The following MTF1 variants were observed in gnomAD, a reference collection of about 807,000 sequenced individuals.
MTF1 encodes MRE-binding transcription factor.
Under a neutral mutation model 70.4 loss-of-function variants are expected in MTF1, and 22 were observed. The ratio of observed to expected loss-of-function variants is 0.31; its 90% confidence interval spans 0.22 to 0.45. The LOEUF is 0.45. MTF1 is among the 20% of genes least tolerant of loss of function. The probability of loss-of-function intolerance (pLI) is 1.00; values close to 1 mark genes in which losing one functional copy is unlikely to be tolerated. For synonymous variants in MTF1, 333 were observed against 352.8 expected, an observed-to-expected ratio of 0.94 and a Z score of 0.63; for missense variants, 649 against 922.0, an observed-to-expected ratio of 0.70 and a Z score of 3.83.
intron 4 of MTF1, among the ~76,000 whole-genome samples, chr1:37,836,896 T>C (rs1280425734): frequency 6.7e-6 from 1 of 149,466 alleles, no homozygotes; most frequent in Non-Finnish European, 1.5e-5. Flanking sequence ...AATAAATGCA[T>C]GTGACTGGAT....
chr1:37,854,374 G>A (rs1409565138), intron 2 of MTF1, among the ~76,000 whole-genome samples: 1 of 152,178 alleles, frequency 6.6e-6, no homozygotes, highest in Non-Finnish European at 1.5e-5. Context: ...TCTGACAGCT[G>A]CATACATGAG....
At chr1:37,849,674 G>A (rs1278079501) in intron 2 of MTF1, among the ~76,000 whole-genome samples, 1 of 152,088 alleles carries the variant, frequency 6.6e-6, no homozygotes, top group African/African-American at 2.4e-5. Context: ...AGACCGTCCT[G>A]GCAGGTTCTA....
intron 2 of MTF1, among the ~76,000 whole-genome samples, chr1:37,856,698 C>G (rs1461091689): frequency 6.6e-6 from 1 of 151,652 alleles, no homozygotes; most frequent in Non-Finnish European, 1.5e-5. Flanking sequence ...CAGGGTTTCA[C>G]CATGTTGGCC....
chr1:37,837,373 A>G (rs1245223663), intron 4 of MTF1, among the ~76,000 whole-genome samples: 2 of 152,192 alleles, frequency 1.3e-5, no homozygotes, highest in Non-Finnish European at 2.9e-5. Context: ...ATTGGCATCT[A>G]AGAGTTGACT....
At chr1:37,856,170 C>CTTTTTTTTTTTTT (rs869062644) in intron 2 of MTF1, among the ~76,000 whole-genome samples, 1 of 74,156 alleles carries the variant, frequency 1.3e-5, no homozygotes, top group Non-Finnish European at 2.4e-5. Flanking sequence ...CCTGAATTTC[C>CTTTTTTTTTTTTT]TTTTTTTTTT....
chr1:37,838,802 T>A, intron 3 of MTF1, 46 bp from the exon 4 acceptor site: 1 of 1,148,990 alleles, frequency 8.7e-7, no homozygotes, highest in Non-Finnish European at 1.2e-6. Context: ...AAATTCTTTT[T>A]TTTTTTTTTT....
intron 4 of MTF1, among the ~76,000 whole-genome samples, chr1:37,836,414 G>A (rs1341325535): frequency 1.3e-5 from 2 of 152,084 alleles, no homozygotes; most frequent in Non-Finnish European, 2.9e-5. Context: ...TCTCAAATAT[G>A]TACATGGCTT....
chr1:37,829,702 G>A (rs1289851981), intron 7 of MTF1, among the ~76,000 whole-genome samples: 2 of 151,718 alleles, frequency 1.3e-5, no homozygotes, highest in African/African-American at 2.4e-5. Context: ...GGAGAATGGC[G>A]TGAACCCAGG....
rs140456959 is a variant in MTF1, at chr1:37,826,333, C to T, written c.1069-2521G>A. Among the ~76,000 whole-genome samples the T allele has an allele frequency of 2.5e-4, 38 of 152,200 alleles. No individual in the cohort carries two copies. In the East Asian group the frequency reaches 3.7e-3, roughly 15 times the overall value. On this transcript the variant is annotated intron_variant, in intron 7 of 10. Transcript: ENST00000373036. ...ACGGGGTCTAGCTCTGTTATCCAGG[C>T]GGGAGTGCAGAGGCGCAGTCAAGTC...
chr1:37,829,718 G>C (rs1268981628), intron 7 of MTF1, among the ~76,000 whole-genome samples: 3 of 151,812 alleles, frequency 2.0e-5, no homozygotes, highest in African/African-American at 7.3e-5. Context: ...CCAGGAGGTG[G>C]AGCTTGTAGT....
intron 2 of MTF1, among the ~76,000 whole-genome samples, chr1:37,852,990 G>A (rs1018750302): frequency 7.2e-5 from 11 of 152,250 alleles, no homozygotes; most frequent in African/African-American, 1.4e-4. Context: ...CCAATAACAC[G>A]TACGAAGTTC....
rs955674592 is a variant in MTF1, at chr1:37,822,841, C to T, written c.1172-125G>A. ...ACTGAGCTGATCTCTTCATAGCTAGCAGGCCAGCTTTCTGTCATTTTCATT... is the reference window on the plus strand; with the variant it reads ...ACTGAGCTGATCTCTTCATAGCTAGTAGGCCAGCTTTCTGTCATTTTCATT... On this transcript the variant is annotated intron_variant, in intron 8 of 10. Coordinates refer to ENST00000373036, the MANE Select transcript of MTF1 (RefSeq NM_005955.3). 4.6e-6 allele frequency: 3 copies of T among 648,142 alleles called. No individual in the cohort carries two copies. In the African/African-American group the frequency reaches 5.5e-5, roughly 12 times the overall value. 40.1% of individuals were successfully genotyped at this position (648,142 alleles called of 1,614,324 possible). A position where few individuals can be genotyped will look rare whatever the true frequency, so the allele number is the denominator to read the frequency against.
intron 8 of MTF1, among the ~76,000 whole-genome samples, chr1:37,823,116 CACAG>C (rs1640944185): frequency 6.6e-6 from 1 of 152,104 alleles, no homozygotes; most frequent in Admixed American, 6.5e-5. Context: ...CCTGTCCATT[CACAG>C]ACAGTGTATC....
chr1:37,843,842 T>C (rs1007978207), intron 2 of MTF1, among the ~76,000 whole-genome samples: 1 of 152,064 alleles, frequency 6.6e-6, no homozygotes, highest in Non-Finnish European at 1.5e-5. Context: ...GGAGGGCCCC[T>C]ACTCCTCCTG....
intron 4 of MTF1, among the ~76,000 whole-genome samples, chr1:37,836,940 G>A (rs372376336): frequency 1.8e-4 from 24 of 130,122 alleles, no homozygotes; most frequent in African/African-American, 6.9e-4. Context: ...CCTACGGGAA[G>A]GGGGGCGGCG....
chr1:37,845,284 G>T (rs1274350224), intron 2 of MTF1, among the ~76,000 whole-genome samples: 1 of 152,220 alleles, frequency 6.6e-6, no homozygotes, highest in African/African-American at 2.4e-5. Context: ...ACAGATGATT[G>T]ATAAAACACC....
chr1:37,823,656 C>T (rs1640953203), intron 8 of MTF1, 54 bp downstream of exon 8: 6 of 1,305,654 alleles, frequency 4.6e-6, no homozygotes, highest in Non-Finnish European at 6.6e-6. Flanking sequence ...GTGCCTGTGA[C>T]TCAGTGTGTC....
At chr1:37,834,477 C>A (rs1641134116) in intron 6 of MTF1, among the ~76,000 whole-genome samples, 1 of 151,934 alleles carries the variant, frequency 6.6e-6, no homozygotes, top group African/African-American at 2.4e-5. Context: ...TTTTAAAAAT[C>A]TATAAAATAA....
Position 37,822,336 on chromosome 1 carries a change from C to A in MTF1, c.1552G>T (p.Ala518Ser), listed in dbSNP as rs1201255177. ...SAAAVASAVA[A>S]PAPPQSTTEP... ...GTAGTACTTTGTGGTGGGGCTGGTG[C>A]TGCCACAGCTGATGCCACTGCCGCT... Residue 518 changes from alanine (A) to serine (S), a missense_variant, in exon 9 of 11, where the codon GCA (alanine) becomes TCA (serine). By Grantham distance (99) the Ala-to-Ser change is moderately conservative (BLOSUM62 1). Transcript: ENST00000373036. The A allele has an allele frequency of 6.2e-7, 1 of 1,612,356 alleles. No homozygotes were observed. Among genetic ancestry groups the A allele is most frequent in the Non-Finnish European group, 8.5e-7 (1 of 1,179,150 alleles).
Sources: gnomAD v4.1 joint callset for allele counts (sites outside exome capture counted in the v4.1 genomes callset) on GRCh38, gnomAD v4.1.1 for gene constraint, MANE v1.5 for transcripts, NCBI Gene and HGNC (gene_info 2026-07-23, HGNC 2026-07-21) for gene names.